RFT1: variants seen among roughly 807,000 people sequenced by gnomAD.
The protein encoded by RFT1 is RFT1 glycolipid translocator homolog.
In RFT1, 43 loss-of-function variants were observed where a neutral mutation model predicts 62.2. The observed-to-expected ratio is 0.69, with a 90% CI of 0.54 to 0.89. The LOEUF is 0.89. Among genes scored for constraint, RFT1 ranks in the 40% least tolerant of loss-of-function variants. RFT1 has a pLI of 0.00. For synonymous variants in RFT1, 262 were observed against 264.6 expected (o/e 0.99, Z 0.10); for missense variants, 605 against 649.9 (o/e 0.93, Z 0.75).
Position 53,104,225 on chromosome 3 carries a change from T to A in RFT1, c.958-128A>T, listed in dbSNP as rs924350335. The A allele has an allele frequency of 5.3e-6, 5 of 941,060 alleles. No homozygotes were observed. The African/African-American group carries it at 8.3e-5, about 16-fold the overall frequency. 58.3% of individuals were successfully genotyped at this position (941,060 alleles called of 1,614,324 possible). ...CTTCCAACAGCGTGATGGATATCAC[T>A]ATTTTTTTGTAGTGTGTTTGTTTTC... On this transcript the variant is annotated intron_variant, in intron 9 of 12. Coordinates refer to ENST00000296292, the MANE Select transcript of RFT1 (RefSeq NM_052859.4).
chr3:53,067,208 C>T, the RFT1 span, among the ~76,000 whole-genome samples: 44,931 of 151,868 alleles, frequency 0.3, 7,006 homozygotes, highest in African/African-American at 0.37. Flanking sequence ...CAGCCGGGCA[C>T]GGTGGAGCAT....
chr3:53,100,786 T>C (rs1311885039), intron 10 of RFT1, among the ~76,000 whole-genome samples: 1 of 152,172 alleles, frequency 6.6e-6, no homozygotes, highest in Non-Finnish European at 1.5e-5. Context: ...AGTGGGGTAG[T>C]TGACTAGAAA....
At chr3:53,128,031 C>T (rs1702159660) in intron 1 of RFT1, among the ~76,000 whole-genome samples, 1 of 151,900 alleles carries the variant, frequency 6.6e-6, no homozygotes, top group South Asian at 2.1e-4. Context: ...AGCGCGGTAG[C>T]TCACACCTGT....
the RFT1 span, among the ~76,000 whole-genome samples, chr3:53,068,090 C>T: frequency 6.6e-6 from 1 of 152,204 alleles, no homozygotes; most frequent in Non-Finnish European, 1.5e-5. Flanking sequence ...CTGTAGCCAA[C>T]CTGGCTGGAG....
the RFT1 span, among the ~76,000 whole-genome samples, chr3:53,082,892 G>T: frequency 3.9e-5 from 6 of 152,076 alleles, no homozygotes; most frequent in Non-Finnish European, 5.9e-5. Flanking sequence ...CCCTGTTCGT[G>T]TACTTCAAAA....
chr3:53,067,094 G>A, the RFT1 span, among the ~76,000 whole-genome samples: 7 of 152,236 alleles, frequency 4.6e-5, no homozygotes, highest in Admixed American at 3.3e-4. Context: ...TTGGGAGGCC[G>A]AGGCGGGCGG....
intron 10 of RFT1, chr3:53,103,685 G>A (rs758400732): frequency 1.7e-5 from 8 of 462,418 alleles, no homozygotes; most frequent in African/African-American, 4.0e-5. Flanking sequence ...TTCTAGGCCC[G>A]AGAGGAAAGC....
chr3:53,075,478 A>G, the RFT1 span, among the ~76,000 whole-genome samples: 1 of 152,174 alleles, frequency 6.6e-6, no homozygotes, highest in Non-Finnish European at 1.5e-5. Context: ...GAACACATGG[A>G]TGACATTCTC....
chr3:53,092,368 C>T lies in RFT1; in HGVS notation c.1458+1G>A. ...TGGCATGATGGCTCAGGGAGTCTCA[C>T]CTCCGAAACAGCAGTAACCCCACCA... On this transcript the variant is annotated splice_donor_variant, in intron 12 of 12. Coordinates refer to ENST00000296292, the MANE Select transcript of RFT1 (RefSeq NM_052859.4). LOFTEE classifies it high-confidence loss of function. 3.1e-6 allele frequency: 5 copies of T among 1,597,976 alleles called. No homozygotes were observed. In the South Asian group the frequency reaches 4.5e-5, roughly 14 times the overall value.
rs1030013155 is a variant in RFT1 at position 53,088,772 on chromosome 3, T to C, written c.*3131A>G. On this transcript the variant is annotated 3_prime_UTR_variant, in exon 13 of 13. Transcript: ENST00000296292. ...TTGCTTGAGCCCAGGAGTTTGAGGC[T>C]GCAATGAGCTATGATGACACCACTG... The C allele has an allele frequency of 2.0e-4, 31 of 152,564 alleles. No individual in the cohort carries two copies. The highest frequency in any genetic ancestry group is 7.5e-4 in the African/African-American group (31 of 41,260). 9.5% of individuals were successfully genotyped at this position (152,564 alleles called of 1,614,324 possible).
In RFT1 at chr3:53,090,878, C is replaced by T. The variant is rs1242132929; in HGVS notation, c.*1025G>A. ...GGGCTCACACTGTAGCCTGGAGTAC[C>T]AGGCCCCCATGCCTGCCACTCTTGT... is the stretch of plus-strand genomic sequence containing the variant. On this transcript the variant is annotated 3_prime_UTR_variant, in exon 13 of 13. Coordinates refer to ENST00000296292, the MANE Select transcript of RFT1 (RefSeq NM_052859.4). 3 of 152,232 alleles carry T rather than the reference C, an allele frequency of 2.0e-5. No homozygotes were observed. The highest frequency in any genetic ancestry group is 7.2e-5 in the African/African-American group (3 of 41,438). 9.4% of individuals were successfully genotyped at this position (152,232 alleles called of 1,614,324 possible).
chr3:53,084,448 C>T (rs368736408), downstream of RFT1, among the ~76,000 whole-genome samples: 1 of 152,202 alleles, frequency 6.6e-6, no homozygotes, highest in Non-Finnish European at 1.5e-5. Context: ...ACGTGGAAGC[C>T]GCACACTATT....
At chr3:53,129,394 C>T (rs1283918292) in intron 1 of RFT1, among the ~76,000 whole-genome samples, 1 of 152,184 alleles carries the variant, frequency 6.6e-6, no homozygotes, top group South Asian at 2.1e-4. Context: ...CAGAAGTCAT[C>T]GGATTTATCC....
At chr3:53,126,197 C>T (rs1281486254) in intron 1 of RFT1, among the ~76,000 whole-genome samples, 3 of 152,170 alleles carry the variant, frequency 2.0e-5, no homozygotes, top group Non-Finnish European at 4.4e-5. Flanking sequence ...CACTCCCGTG[C>T]AGTAGTCAAA....
intron 3 of RFT1, among the ~76,000 whole-genome samples, chr3:53,123,253 C>G (rs1209594442): frequency 6.6e-6 from 1 of 152,136 alleles, no homozygotes; most frequent in African/African-American, 2.4e-5. Context: ...TCAAGAATAT[C>G]CTAAAAGACT....
the RFT1 span, among the ~76,000 whole-genome samples, chr3:53,080,523 C>A: frequency 1.3e-5 from 2 of 152,344 alleles, no homozygotes; most frequent in East Asian, 1.9e-4. Flanking sequence ...TGCTCCACCA[C>A]CACGTGCACT....
the RFT1 span, among the ~76,000 whole-genome samples, chr3:53,070,393 G>GTTTTTTTT: frequency 6.8e-4 from 58 of 85,460 alleles, 10 homozygotes; most frequent in South Asian, 2.0e-3. Flanking sequence ...CTGTATTATG[G>GTTTTTTTT]TTTTTTTTTT....
chr3:53,071,986 C>T, the RFT1 span, among the ~76,000 whole-genome samples: 1 of 152,216 alleles, frequency 6.6e-6, no homozygotes, highest in African/African-American at 2.4e-5. Flanking sequence ...TCAAGAGGCC[C>T]TAAAGGAGGG....
At chr3:53,068,273 C>T in the RFT1 span, among the ~76,000 whole-genome samples, 21 of 134,020 alleles carry the variant, frequency 1.6e-4, 1 homozygote, top group South Asian at 4.6e-3. Flanking sequence ...CTCAGACTGC[C>T]CCCCATCCAT....
Sources: allele counts gnomAD v4.1 joint callset (sites outside exome capture counted in the v4.1 genomes callset), GRCh38; gene constraint gnomAD v4.1.1; transcripts MANE v1.5; gene names NCBI Gene and HGNC (gene_info 2026-07-23, HGNC 2026-07-21).